SNX29: variants seen among roughly 807,000 people sequenced by gnomAD.
SNX29 encodes sorting nexin-29.
In SNX29, 78 loss-of-function variants were observed where a neutral mutation model predicts 102.1. The observed-to-expected ratio is 0.76, with a 90% confidence interval of 0.64 to 0.92. SNX29 has a LOEUF of 0.92. Among genes scored for constraint, SNX29 ranks in the 40% least tolerant of loss-of-function variants. SNX29 has a pLI of 0.00. For missense variants in SNX29, 1,280 were observed against 1,061.7 expected (o/e 1.21, Z -2.86); for synonymous variants, 580 against 414.5 (o/e 1.40, Z -4.85).
chr16:12,419,569 C>CCA (rs2084787733), intron 18 of SNX29, among the ~76,000 whole-genome samples: 1 of 151,772 alleles, frequency 6.6e-6, no homozygotes, highest in South Asian at 2.1e-4. Context: ...TCAGCCCCCC[C>CCA]CCCCATCTTT....
At chr16:12,240,751 G>T (rs2078080507) in intron 14 of SNX29, among the ~76,000 whole-genome samples, 2 of 151,702 alleles carry the variant, frequency 1.3e-5, no homozygotes, top group Admixed American at 6.6e-5. Flanking sequence ...AAGTGTGTGT[G>T]TGTGCCACCA....
intron 14 of SNX29, among the ~76,000 whole-genome samples, chr16:12,225,830 A>G (rs2077595513): frequency 6.6e-6 from 1 of 152,224 alleles, no homozygotes; most frequent in East Asian, 1.9e-4. Context: ...TCTAGCATCC[A>G]GCCCACATTG....
chr16:12,449,472 A>G (rs1389145548), intron 18 of SNX29, among the ~76,000 whole-genome samples: 3 of 152,262 alleles, frequency 2.0e-5, no homozygotes, highest in Non-Finnish European at 4.4e-5. Flanking sequence ...TTGGCATCTT[A>G]ACTCACAAGT....
intron 13 of SNX29, among the ~76,000 whole-genome samples, chr16:12,185,218 A>G (rs1194410364): frequency 1.3e-5 from 2 of 152,166 alleles, no homozygotes; most frequent in Non-Finnish European, 1.5e-5. Context: ...ACGGAAGTGA[A>G]TAAATCAGCC....
chr16:12,446,809 T>G lies in SNX29; in HGVS notation c.2038-30910T>G, dbSNP rs117712350. Reference sequence around the variant, plus strand: ...TATGAAATGGCCGTTATTCACCTGTTTTATTAACTGGATCCCAACGAGCTG... The same window carrying G: ...TATGAAATGGCCGTTATTCACCTGTGTTATTAACTGGATCCCAACGAGCTG... On this transcript the variant is annotated intron_variant, in intron 18 of 20. Transcript: ENST00000566228. 5.6e-3 allele frequency among the ~76,000 whole-genome samples: 859 copies of G among 152,246 alleles called. 7 individuals are homozygous for G. The highest frequency in any genetic ancestry group is 8.3e-3 in the Non-Finnish European group (566 of 68,012).
At chr16:12,519,463 A>G (rs1330233191) in intron 19 of SNX29, among the ~76,000 whole-genome samples, 2 of 152,250 alleles carry the variant, frequency 1.3e-5, no homozygotes, top group Non-Finnish European at 2.9e-5. Context: ...CCAATGACTC[A>G]TCATTAATTT....
chr16:12,230,298 G>A (rs928732542), intron 14 of SNX29, among the ~76,000 whole-genome samples: 3 of 152,238 alleles, frequency 2.0e-5, no homozygotes, highest in African/African-American at 7.2e-5. Flanking sequence ...TTTGGGCAAA[G>A]AGTCAAGCCA....
chr16:12,197,550 G>A (rs563254749), intron 13 of SNX29, among the ~76,000 whole-genome samples: 2 of 152,290 alleles, frequency 1.3e-5, no homozygotes, highest in Non-Finnish European at 2.9e-5. Flanking sequence ...CAGCCTGGGC[G>A]ACAGAGTGAG....
chr16:12,554,534 C>A (rs7191878), intron 20 of SNX29, among the ~76,000 whole-genome samples: 2 of 152,166 alleles, frequency 1.3e-5, no homozygotes, highest in African/African-American at 2.4e-5. Context: ...ACATTCTCGC[C>A]CACGTTTTTG....
At chr16:12,538,499 C>T (rs186354326) in intron 20 of SNX29, among the ~76,000 whole-genome samples, 3,032 of 152,176 alleles carry the variant, frequency 0.02, 42 homozygotes, top group Middle Eastern at 0.068. Context: ...ATCTATGATA[C>T]TTTGTTGGTA....
At chr16:12,377,551 T>C (rs2082921481) in intron 16 of SNX29, among the ~76,000 whole-genome samples, 1 of 152,204 alleles carries the variant, frequency 6.6e-6, no homozygotes, top group African/African-American at 2.4e-5. Context: ...GCATAGTTAC[T>C]TGTGAGCGGT....
At chr16:12,516,287 C>T (rs1309183420) in intron 19 of SNX29, among the ~76,000 whole-genome samples, 1 of 152,034 alleles carries the variant, frequency 6.6e-6, no homozygotes, top group Non-Finnish European at 1.5e-5. Flanking sequence ...CAAGACCTGC[C>T]TGGGCAACAT....
intron 19 of SNX29, among the ~76,000 whole-genome samples, chr16:12,503,693 T>C (rs566929098): frequency 3.3e-4 from 50 of 152,264 alleles, no homozygotes; most frequent in African/African-American, 1.2e-3. Context: ...CTTCCCTCTC[T>C]CCGTCACTTT....
chr16:12,466,509 T>C (rs6498307), intron 18 of SNX29, among the ~76,000 whole-genome samples: 15 of 152,194 alleles, frequency 9.9e-5, no homozygotes, highest in African/African-American at 3.6e-4. Context: ...TACTACCAGA[T>C]GAACCTGCCG....
At chr16:12,320,864 CTGAGGTTG>C (rs1478085428) in intron 15 of SNX29, among the ~76,000 whole-genome samples, 1 of 152,160 alleles carries the variant, frequency 6.6e-6, no homozygotes, top group Non-Finnish European at 1.5e-5. Flanking sequence ...AATCTGGGAC[CTGAGGTTG>C]CCTTAGGTCC....
intron 13 of SNX29, among the ~76,000 whole-genome samples, chr16:12,132,287 A>G (rs1012822304): frequency 2.0e-5 from 3 of 151,934 alleles, no homozygotes; most frequent in Middle Eastern, 3.4e-3. Context: ...TTTAGTAGAG[A>G]TGGGGTTTCA....
chr16:12,364,213 G>GTTATGTTATGT (rs762952837), intron 16 of SNX29, among the ~76,000 whole-genome samples: 7 of 131,336 alleles, frequency 5.3e-5, no homozygotes, highest in African/African-American at 2.1e-4. Context: ...GTTATGTTAT[G>GTTATGTTATGT]TTATTTTTGT....
At chr16:12,174,930 T>TA (rs56227397) in intron 13 of SNX29, among the ~76,000 whole-genome samples, 27,643 of 148,852 alleles carry the variant, frequency 0.19, 2,553 homozygotes, top group East Asian at 0.29. Context: ...TTATTACTAT[T>TA]AAAAAAAAAA....
intron 16 of SNX29, chr16:12,367,559 A>G (rs1311569766): frequency 1.3e-5 from 2 of 152,234 alleles, no homozygotes; most frequent in Non-Finnish European, 2.9e-5. Context: ...GATTCACTAT[A>G]CAATAAAATG....
Sources: gnomAD v4.1 joint callset for allele counts (sites outside exome capture counted in the v4.1 genomes callset) on GRCh38, gnomAD v4.1.1 for gene constraint, MANE v1.5 for transcripts, NCBI Gene and HGNC (gene_info 2026-07-23, HGNC 2026-07-21) for gene names.